Variants in ZFP64 observed in about 807,000 individuals in gnomAD.
The protein encoded by ZFP64 is zinc finger protein 64.
Under a neutral mutation model 51.6 loss-of-function variants are expected in ZFP64, and 14 were observed. The ratio of observed to expected loss-of-function variants is 0.27; its 90% CI spans 0.18 to 0.42. ZFP64 has a LOEUF of 0.42. Ranked by LOEUF, ZFP64 falls within the 10% of genes least tolerant of loss-of-function variation. The pLI, the probability that ZFP64 is intolerant of heterozygous loss-of-function variation, is 1.00. For synonymous variants in ZFP64, 375 were observed against 361.4 expected (o/e 1.04, Z -0.43); for missense variants, 754 against 906.8 (o/e 0.83, Z 2.16).
intron 2 of ZFP64, among the ~76,000 whole-genome samples, chr20:52,167,696 T>C (rs1982398130): frequency 6.6e-6 from 1 of 152,180 alleles, no homozygotes; most frequent in Non-Finnish European, 1.5e-5. Flanking sequence ...TGGATGAACC[T>C]GTCAGGCTAA....
intron 5 of ZFP64, among the ~76,000 whole-genome samples, chr20:52,142,642 C>G (rs190334742): frequency 6.6e-6 from 1 of 151,146 alleles, no homozygotes; most frequent in Non-Finnish European, 1.5e-5. Flanking sequence ...GAGTTTGAGA[C>G]CAGCCTGACC....
rs962184273 is a variant in ZFP64, at chr20:52,105,015, C to T, written c.764-6428G>A. On this transcript the variant is annotated intron_variant, in intron 5 of 8. Coordinates refer to the ZFP64 transcript ENST00000361387. ...AGGTCCGAGTCCCAGGACTCTGCGC[C>T]GGACGCTTCGCCCGCCCTTTCAGGT... 4.1e-6 allele frequency: 5 copies of T among 1,226,440 alleles called. 1 individual carries two copies. The highest frequency in any genetic ancestry group is 3.2e-5 in the Admixed American group (1 of 31,490). The allele number at this position is 1,226,440 out of a possible 1,614,324, so 76.0% of individuals were successfully genotyped here.
chr20:52,135,574 C>T (rs556907164), intron 5 of ZFP64, among the ~76,000 whole-genome samples: 3 of 152,180 alleles, frequency 2.0e-5, no homozygotes, highest in African/African-American at 7.2e-5. Flanking sequence ...GCAGCATTGA[C>T]GTCCTGGGCT....
At chr20:52,114,496 T>C (rs897602414) in intron 5 of ZFP64, among the ~76,000 whole-genome samples, 1 of 152,160 alleles carries the variant, frequency 6.6e-6, no homozygotes, top group Non-Finnish European at 1.5e-5. Flanking sequence ...GCAACAAACA[T>C]GGAAGGGATG....
intron 4 of ZFP64, among the ~76,000 whole-genome samples, chr20:52,164,194 TC>T (rs1982054541): frequency 6.6e-6 from 1 of 152,100 alleles, no homozygotes; most frequent in African/African-American, 2.4e-5. Context: ...CTGCCTGTAG[TC>T]CCAGGTATTC....
chr20:52,161,450 CTTTTTTTTTTT>C (rs11469696), intron 4 of ZFP64, among the ~76,000 whole-genome samples: 17 of 115,148 alleles, frequency 1.5e-4, no homozygotes, highest in African/African-American at 4.7e-4. Context: ...TGATTGCTTT[CTTTTTTTTTTT>C]TTTTTTTTTT....
exon 9 of ZFP64, chr20:52,084,378 C>A: frequency 1.6e-6 from 1 of 616,300 alleles, no homozygotes; most frequent in Non-Finnish European, 2.8e-6. Context: ...TCTCCACAGC[C>A]CTGCTTTGCT....
intron 5 of ZFP64, among the ~76,000 whole-genome samples, chr20:52,133,185 G>T (rs1264419538): frequency 6.6e-6 from 1 of 152,018 alleles, no homozygotes; most frequent in African/African-American, 2.4e-5. Context: ...TCAAAAAACG[G>T]GGTGTCAAAG....
chr20:52,086,071 ACTC>A (rs2078860885), intron 8 of ZFP64, among the ~76,000 whole-genome samples: 1 of 152,050 alleles, frequency 6.6e-6, no homozygotes, highest in South Asian at 2.1e-4. Context: ...TTGAGGATTC[ACTC>A]CTCTTCTCCA....
intron 7 of ZFP64, chr20:52,097,271 G>T: frequency 7.3e-7 from 1 of 1,371,774 alleles, no homozygotes; most frequent in Non-Finnish European, 1.0e-6. Context: ...TCATGAGGCA[G>T]ATGAGGCAGA....
chr20:52,117,831 T>G (rs1978959996), intron 5 of ZFP64: 1 of 385,848 alleles, frequency 2.6e-6, no homozygotes, highest in Non-Finnish European at 5.1e-6. Flanking sequence ...CTGCTTGTTC[T>G]GTCACTCAGG....
chr20:52,102,146 C>T (rs907152367), intron 5 of ZFP64, among the ~76,000 whole-genome samples: 6 of 131,256 alleles, frequency 4.6e-5, no homozygotes, highest in Admixed American at 1.6e-4. Flanking sequence ...TCAGGCCCTA[C>T]TCCAGACTTA....
At chr20:52,171,541 G>C (rs949963258) in intron 2 of ZFP64, among the ~76,000 whole-genome samples, 1 of 152,040 alleles carries the variant, frequency 6.6e-6, no homozygotes, top group African/African-American at 2.4e-5. Flanking sequence ...CCAGGCTGGA[G>C]TGCAACGGCG....
chr20:52,124,608 CT>C (rs1419431744), intron 5 of ZFP64, among the ~76,000 whole-genome samples: 8 of 147,946 alleles, frequency 5.4e-5, no homozygotes, highest in Admixed American at 5.4e-4. Flanking sequence ...ACATTTTTTA[CT>C]TTATTATTTT....
chr20:52,187,359 T>C (rs1018084576), intron 1 of ZFP64, among the ~76,000 whole-genome samples: 4 of 152,164 alleles, frequency 2.6e-5, no homozygotes, highest in Non-Finnish European at 5.9e-5. Flanking sequence ...CGGTGGCTCA[T>C]GCCTGTAATC....
At chr20:52,144,578 C>CAAAAAAAAAAAAAAAAAAAAAAAAAAAA (rs1156545584) in intron 5 of ZFP64, among the ~76,000 whole-genome samples, 4 of 23,324 alleles carry the variant, frequency 1.7e-4, no homozygotes, top group African/African-American at 1.8e-4. Flanking sequence ...GACTCCGTCT[C>CAAAAAAAAAAAAAAAAAAAAAAAAAAAA]AAAAAAAAAA....
chr20:52,110,526 C>T, intron 5 of ZFP64: 1 of 724,284 alleles, frequency 1.4e-6, no homozygotes, highest in Non-Finnish European at 2.5e-6. Context: ...TCAGGTATTG[C>T]TCGGCCCAGT....
intron 1 of ZFP64, among the ~76,000 whole-genome samples, chr20:52,187,450 C>T (rs1331497801): frequency 6.6e-6 from 1 of 151,726 alleles, no homozygotes; most frequent in African/African-American, 2.4e-5. Flanking sequence ...GGTGAAATCC[C>T]GTCTCTACTA....
chr20:52,099,326 T>G (rs1349403344), intron 5 of ZFP64, among the ~76,000 whole-genome samples: 1 of 149,978 alleles, frequency 6.7e-6, no homozygotes, highest in Admixed American at 6.7e-5. Flanking sequence ...AAACTTTTTT[T>G]TTTTTTTTTA....
Sources: allele counts gnomAD v4.1 joint callset (sites outside exome capture counted in the v4.1 genomes callset), GRCh38; gene constraint gnomAD v4.1.1; transcripts MANE v1.5; gene names NCBI Gene and HGNC (gene_info 2026-07-23, HGNC 2026-07-21).